MLLT10: variants seen among roughly 807,000 people sequenced by gnomAD.
MLLT10 encodes the protein protein AF-10.
Under a neutral mutation model 129.1 loss-of-function variants are expected in MLLT10, and 30 were observed. That is an observed-to-expected ratio of 0.23 (90% CI 0.17 to 0.32). The LOEUF (loss-of-function observed/expected upper bound fraction) is 0.32. MLLT10 is among the 10% of genes least tolerant of loss of function. MLLT10 has a pLI of 1.00. For missense variants in MLLT10, 1,119 were observed against 1,268.3 expected, an observed-to-expected ratio of 0.88 and a Z score of 1.79; for synonymous variants, 490 against 446.4, an observed-to-expected ratio of 1.10 and a Z score of -1.23.
chr10:21,560,775 T>C (rs1432331408), intron 3 of MLLT10, among the ~76,000 whole-genome samples: 1 of 152,234 alleles, frequency 6.6e-6, no homozygotes, highest in Non-Finnish European at 1.5e-5. Context: ...ATGATAGCCT[T>C]GCTAATGATG....
intron 8 of MLLT10, 115 bp from the exon 9 acceptor site, chr10:21,651,558 A>C (rs1476118229): frequency 6.1e-6 from 4 of 660,030 alleles, no homozygotes; most frequent in Non-Finnish European, 1.0e-5. Context: ...AGAGGAAGTG[A>C]TTTTTGACAG....
At chr10:21,735,319 G>A (rs577793726) in intron 21 of MLLT10, 84 bp downstream of exon 21, 2 of 1,178,188 alleles carry the variant, frequency 1.7e-6, no homozygotes, top group Non-Finnish European at 2.4e-6. Flanking sequence ...TTTCTCCTTT[G>A]TGAAATAACA....
intron 5 of MLLT10, among the ~76,000 whole-genome samples, chr10:21,602,890 C>T (rs1434351745): frequency 4.0e-5 from 6 of 151,664 alleles, no homozygotes; most frequent in South Asian, 2.1e-4. Flanking sequence ...CCACCACGCC[C>T]GGCTAATTTT....
intron 4 of MLLT10, among the ~76,000 whole-genome samples, chr10:21,588,462 T>A (rs556266682): frequency 6.6e-6 from 1 of 152,294 alleles, no homozygotes; most frequent in African/African-American, 2.4e-5. Context: ...CTTTCTGATC[T>A]TCTACTTTGA....
At chr10:21,640,183 A>T (rs2047848911) in intron 8 of MLLT10, among the ~76,000 whole-genome samples, 1 of 144,794 alleles carries the variant, frequency 6.9e-6, no homozygotes. Flanking sequence ...ATAATATCAA[A>T]TATTATTATA....
At chr10:21,630,090 T>C (rs765498532) in intron 8 of MLLT10, among the ~76,000 whole-genome samples, 27 of 152,224 alleles carry the variant, frequency 1.8e-4, no homozygotes, top group Non-Finnish European at 1.2e-4. Flanking sequence ...AATAACTAGG[T>C]CACCTGGGTA....
intron 8 of MLLT10, among the ~76,000 whole-genome samples, chr10:21,644,593 T>A (rs930269105): frequency 6.6e-6 from 1 of 152,118 alleles, no homozygotes; most frequent in African/African-American, 2.4e-5. Context: ...AGTGTTTGGG[T>A]GTATTTTAGT....
intron 3 of MLLT10, among the ~76,000 whole-genome samples, chr10:21,578,363 A>G (rs940390929): frequency 6.6e-6 from 1 of 152,170 alleles, no homozygotes; most frequent in African/African-American, 2.4e-5. Flanking sequence ...TGTATCCTGG[A>G]TACAAACTAC....
At chr10:21,542,467 G>C (rs960221678) in intron 3 of MLLT10, among the ~76,000 whole-genome samples, 21 of 152,350 alleles carry the variant, frequency 1.4e-4, no homozygotes, top group African/African-American at 4.8e-4. Flanking sequence ...CTACTCGGGA[G>C]ACTGAAGCAG....
chr10:21,666,222 A>G (rs911745656), intron 9 of MLLT10, among the ~76,000 whole-genome samples: 1 of 152,112 alleles, frequency 6.6e-6, no homozygotes, highest in East Asian at 1.9e-4. Flanking sequence ...GCAATATTAT[A>G]CTAGTTTACA....
At position 21,664,337 on chromosome 10, in the gene MLLT10, G is replaced by A. The variant is rs1282324605; in HGVS notation, c.796-6112G>A. ...GTTTGTTTGTTTTTTTTTTTTGAGG[G>A]GGAGATAGAGTCTCCCTCTGTCCTG... On this transcript the variant is annotated intron_variant, in intron 9 of 22. Transcript: ENST00000307729. 4.7e-5 allele frequency among the ~76,000 whole-genome samples: 7 copies of A among 149,062 alleles called. No individual in the cohort carries two copies. The East Asian group carries it at 1.2e-3, about 25-fold the overall frequency.
At chr10:21,710,534 A>G (rs2055975700) in intron 13 of MLLT10, among the ~76,000 whole-genome samples, 1 of 152,170 alleles carries the variant, frequency 6.6e-6, no homozygotes. Flanking sequence ...AAGTATTTTT[A>G]GTTTGCAGGT....
intron 13 of MLLT10, among the ~76,000 whole-genome samples, chr10:21,684,567 C>T (rs753031261): frequency 2.6e-5 from 4 of 152,058 alleles, no homozygotes; most frequent in African/African-American, 4.8e-5. Context: ...TCCACTGCCC[C>T]ATTTGGTTAT....
chr10:21,584,010 C>T (rs1268477218), intron 3 of MLLT10, among the ~76,000 whole-genome samples: 4 of 151,994 alleles, frequency 2.6e-5, no homozygotes, highest in African/African-American at 7.2e-5. Flanking sequence ...GCTGGGACTA[C>T]AGGCGCCTGC....
chr10:21,707,972 A>G lies in MLLT10; in HGVS notation c.1700-5800A>G, dbSNP rs1253390750. ...TTTAGACAGGTCTTTCTTGCTTCCT[A>G]GTATTTCACTCTTGTGGTACCTTTT... On this transcript the variant is annotated intron_variant, in intron 13 of 22. Transcript: ENST00000307729. Among the ~76,000 whole-genome samples, 3 of 152,272 alleles carry G rather than the reference A, an allele frequency of 2.0e-5. No homozygotes were observed. In the East Asian group the frequency reaches 5.8e-4, roughly 29 times the overall value.
chr10:21,714,064 A>C (rs754990845), intron 14 of MLLT10, 114 bp downstream of exon 14: 2 of 838,528 alleles, frequency 2.4e-6, no homozygotes, highest in Non-Finnish European at 3.5e-6. Flanking sequence ...TTTATGAAAT[A>C]CCTCAATTTG....
At chr10:21,704,329 T>TTCTC (rs1198146694) in intron 13 of MLLT10, among the ~76,000 whole-genome samples, 1,467 of 120,892 alleles carry the variant, frequency 0.012, 36 homozygotes, top group African/African-American at 0.036. Flanking sequence ...TCTTTTTAAA[T>TTCTC]TCTCTCTCTC....
At chr10:21,630,442 A>G (rs892937803) in intron 8 of MLLT10, among the ~76,000 whole-genome samples, 1 of 152,246 alleles carries the variant, frequency 6.6e-6, no homozygotes, top group Non-Finnish European at 1.5e-5. Flanking sequence ...GTTGGAAGAC[A>G]GTTCTCCATG....
At chr10:21,594,769 G>A (rs1349360801) in intron 4 of MLLT10, among the ~76,000 whole-genome samples, 2 of 151,236 alleles carry the variant, frequency 1.3e-5, no homozygotes, top group Non-Finnish European at 2.9e-5. Context: ...GGGAGGCGGA[G>A]GTTGCGGTGA....
Sources: allele counts gnomAD v4.1 joint callset (sites outside exome capture counted in the v4.1 genomes callset), GRCh38; gene constraint gnomAD v4.1.1; transcripts MANE v1.5; gene names NCBI Gene and HGNC (gene_info 2026-07-23, HGNC 2026-07-21).